The following FRYL variants were observed in gnomAD, a reference collection of about 807,000 sequenced individuals.
The protein encoded by FRYL is protein furry homolog-like.
A neutral mutation model predicts 351.2 loss-of-function variants in FRYL; 150 were observed. That is an observed-to-expected ratio of 0.43 (90% CI 0.37 to 0.49). FRYL has a LOEUF of 0.49. FRYL is among the 20% of genes least tolerant of loss of function. The probability of loss-of-function intolerance (pLI) is 0.00; values close to 1 mark genes in which losing one functional copy is unlikely to be tolerated. For synonymous variants in FRYL, 1,153 were observed against 1,257.1 expected (o/e 0.92, Z 1.75); for missense variants, 3,036 against 3,619.3 (o/e 0.84, Z 4.13).
chr4:48,724,877 C>T lies in FRYL; in HGVS notation c.-383-14179G>A, dbSNP rs139826906. 4.4e-3 allele frequency among the ~76,000 whole-genome samples: 667 copies of T among 152,322 alleles called. 7 individuals carry two copies. Among genetic ancestry groups the T allele is most frequent in the African/African-American group, 0.015 (638 of 41,572 alleles). Reference sequence around the variant, plus strand: ...CAATATATTTGAATATCTTATTTTACATCCATGTTGAGATGGAACCTAATG... The same window carrying T: ...CAATATATTTGAATATCTTATTTTATATCCATGTTGAGATGGAACCTAATG... On this transcript the variant is annotated intron_variant, in intron 1 of 63. Coordinates refer to ENST00000358350, the MANE Select transcript of FRYL (RefSeq NM_015030.2).
chr4:48,570,822 C>T lies in FRYL; in HGVS notation c.2996+5G>A. 1 of 1,597,540 alleles carries T rather than the reference C, an allele frequency of 6.3e-7. No homozygotes were observed. On this transcript the variant is annotated splice_donor_5th_base_variant and intron_variant, in intron 27 of 63. Coordinates refer to ENST00000358350, the MANE Select transcript of FRYL (RefSeq NM_015030.2). Reference sequence around the variant, plus strand: ...GAGTTTTAACAATGTGAATCCAATACTGACCTGTGACTAATGACACCAGCA... The same window carrying T: ...GAGTTTTAACAATGTGAATCCAATATTGACCTGTGACTAATGACACCAGCA...
chr4:48,632,055 CAAAAAAAAAAAAAAAAAAAAAAA>C (rs71660455), intron 4 of FRYL, among the ~76,000 whole-genome samples: 1 of 22,596 alleles, frequency 4.4e-5, no homozygotes. Flanking sequence ...CCTGTCTCTC[CAAAAAAAAAAAAAAAAAAAAAAA>C]AAAAAAAAAA....
At chr4:48,613,590 G>A (rs1748690190) in intron 7 of FRYL, among the ~76,000 whole-genome samples, 1 of 152,164 alleles carries the variant, frequency 6.6e-6, no homozygotes, top group Non-Finnish European at 1.5e-5. Flanking sequence ...CTTTACAGAT[G>A]AGGGAAATGA....
intron 3 of FRYL, among the ~76,000 whole-genome samples, chr4:48,681,369 G>A (rs1024121168): frequency 2.6e-5 from 4 of 152,048 alleles, no homozygotes; most frequent in Non-Finnish European, 4.4e-5. Context: ...CTTCATGTAC[G>A]CGTACATGTA....
rs562631740 is a variant in FRYL at position 48,509,427 on chromosome 4, CT to C, written c.8394+631del. 3.9e-5 allele frequency among the ~76,000 whole-genome samples: 6 copies of C among 152,274 alleles called. No individual in the cohort carries two copies. The South Asian group carries it at 1.2e-3, about 32-fold the overall frequency. ...ACCACACACTTCATTTTTCATAGGTCTATACATGTCACAGATATTTACTACT... is the reference window on the plus strand; with the variant it reads ...ACCACACACTTCATTTTTCATAGGTCATACATGTCACAGATATTTACTACT... On this transcript the variant is annotated intron_variant, in intron 59 of 63. Coordinates refer to ENST00000358350, the MANE Select transcript of FRYL (RefSeq NM_015030.2).
chr4:48,761,049 GTT>G (rs1774372502), intron 1 of FRYL, among the ~76,000 whole-genome samples: 1 of 143,570 alleles, frequency 7.0e-6, no homozygotes, highest in African/African-American at 2.5e-5. Context: ...GTGTGTGTGT[GTT>G]GAAGAGGAAA....
chr4:48,755,383 A>C (rs1186108996), intron 1 of FRYL, among the ~76,000 whole-genome samples: 1 of 152,204 alleles, frequency 6.6e-6, no homozygotes, highest in Non-Finnish European at 1.5e-5. Flanking sequence ...CAAAAAATAG[A>C]CAGTGAATTT....
intron 4 of FRYL, among the ~76,000 whole-genome samples, chr4:48,626,870 C>A (rs935202805): frequency 5.3e-5 from 8 of 152,078 alleles, no homozygotes; most frequent in African/African-American, 1.9e-4. Context: ...AATTCCCAAT[C>A]TAACTTAAGA....
intron 1 of FRYL, among the ~76,000 whole-genome samples, chr4:48,769,214 C>T (rs545803989): frequency 1.3e-5 from 2 of 152,256 alleles, no homozygotes; most frequent in Admixed American, 6.5e-5. Context: ...GATAAAAAGA[C>T]AAGCTTCAGA....
chr4:48,737,179 C>T (rs934250878), intron 1 of FRYL, among the ~76,000 whole-genome samples: 1 of 150,894 alleles, frequency 6.6e-6, no homozygotes, highest in East Asian at 2.0e-4. Context: ...ATCGTTTGAA[C>T]CCTGGAGGCG....
At position 48,528,355 on chromosome 4, in the gene FRYL, T is replaced by C. The variant is rs763195722; in HGVS notation, c.6904-19A>G. ...TTGGTGTCTACACAGAAACAAAATG[T>C]CAGTGTTTGGCTCAAATATTTCAAC... On this transcript the variant is annotated intron_variant, in intron 50 of 63. Coordinates refer to ENST00000358350, the MANE Select transcript of FRYL (RefSeq NM_015030.2). The C allele has an allele frequency of 1.1e-5, 18 of 1,581,174 alleles. No individual in the cohort carries two copies. Among genetic ancestry groups the C allele is most frequent in the Non-Finnish European group, 1.3e-5 (15 of 1,162,064 alleles).
chr4:48,622,188 T>C (rs1750789855), intron 5 of FRYL, among the ~76,000 whole-genome samples: 1 of 152,216 alleles, frequency 6.6e-6, no homozygotes, highest in Non-Finnish European at 1.5e-5. Flanking sequence ...CCTTAAAATG[T>C]TGTTTAATCA....
chr4:48,592,080 TC>T (rs1743381522), intron 16 of FRYL, among the ~76,000 whole-genome samples: 2 of 27,656 alleles, frequency 7.2e-5, no homozygotes, highest in African/African-American at 4.0e-4. Context: ...AAAATAAAGC[TC>T]TTATATATAT....
intron 46 of FRYL, 116 bp from the exon 47 acceptor site, chr4:48,540,184 T>A: frequency 6.2e-6 from 7 of 1,132,092 alleles, no homozygotes; most frequent in Non-Finnish European, 8.7e-6. Flanking sequence ...TCCTGGGATA[T>A]TCGATCTTCT....
chr4:48,751,016 T>G (rs1357985017), intron 1 of FRYL, among the ~76,000 whole-genome samples: 2 of 152,162 alleles, frequency 1.3e-5, no homozygotes, highest in Non-Finnish European at 2.9e-5. Flanking sequence ...CCCTTGGGAC[T>G]GAGGGGCACG....
chr4:48,547,122 C>T, intron 41 of FRYL, among the ~76,000 whole-genome samples: 1 of 152,036 alleles, frequency 6.6e-6, no homozygotes, highest in East Asian at 1.9e-4. Flanking sequence ...CAAAAATTAA[C>T]ATTGACAGTG....
chr4:48,717,909 T>C (rs1274673671), intron 1 of FRYL, among the ~76,000 whole-genome samples: 1 of 151,636 alleles, frequency 6.6e-6, no homozygotes, highest in Non-Finnish European at 1.5e-5. Context: ...GCTGCTACTT[T>C]TTAAAAACTA....
intron 49 of FRYL, among the ~76,000 whole-genome samples, chr4:48,531,649 A>T (rs1272544399): frequency 6.6e-6 from 1 of 152,216 alleles, no homozygotes; most frequent in African/African-American, 2.4e-5. Flanking sequence ...CTAATACAGT[A>T]ACTTGGCAGT....
chr4:48,559,521 C>T (rs747054693), intron 33 of FRYL, among the ~76,000 whole-genome samples: 1 of 68,108 alleles, frequency 1.5e-5, no homozygotes, highest in African/African-American at 5.9e-5. Context: ...GCCAGATCCT[C>T]TCTCTCCAAA....
Sources: gnomAD v4.1 joint callset for allele counts (sites outside exome capture counted in the v4.1 genomes callset) on GRCh38, gnomAD v4.1.1 for gene constraint, MANE v1.5 for transcripts, NCBI Gene and HGNC (gene_info 2026-07-23, HGNC 2026-07-21) for gene names.